MBD3L1: variants seen among roughly 807,000 people sequenced by gnomAD.
MBD3L1 encodes the protein methyl-CpG binding domain protein 3 like 1, also known as methyl-CpG-binding domain protein 3-like 1.
For synonymous variants in MBD3L1, 84 were observed against 85.1 expected (o/e 0.99, Z 0.07); for missense variants, 203 against 230.1 (o/e 0.88, Z 0.76).
intron 1 of MBD3L1, among the ~76,000 whole-genome samples, chr19:8,838,383 C>T (rs1488345712): frequency 6.6e-6 from 1 of 151,256 alleles, no homozygotes; most frequent in African/African-American, 2.4e-5. Flanking sequence ...ATGGAGATGT[C>T]CCATGGAAAC....
Position 8,843,311 on chromosome 19 carries a change from T to TTC in MBD3L1, c.*48_*49insTC. The TTC allele has an allele frequency of 2.2e-6, 3 of 1,385,444 alleles. No individual in the cohort carries two copies. Among genetic ancestry groups the TTC allele is most frequent in the Non-Finnish European group, 1.9e-6 (2 of 1,039,962 alleles). The allele number at this position is 1,385,444 out of a possible 1,614,324, so 85.8% of individuals were successfully genotyped here. A position where few individuals can be genotyped will look rare whatever the true frequency, so the allele number is the denominator to read the frequency against. On this transcript the variant is annotated 3_prime_UTR_variant, in exon 3 of 3. Coordinates refer to ENST00000595891, the MANE Select transcript of MBD3L1 (RefSeq NM_001393532.1). ...GATGAAATAAAGTGTAATCCTTTAT[T>TTC]AACATCTCTTTGCAGTGTCCCCAAT... is the stretch of plus-strand genomic sequence containing the variant.
chr19:8,838,049 C>T (rs573665902), intron 1 of MBD3L1, among the ~76,000 whole-genome samples: 1 of 151,694 alleles, frequency 6.6e-6, no homozygotes, highest in African/African-American at 2.4e-5. Flanking sequence ...GAGATTGAGA[C>T]CATCCTGGAT....
chr19:8,839,512 T>C (rs1180852012), intron 1 of MBD3L1, among the ~76,000 whole-genome samples: 1 of 152,118 alleles, frequency 6.6e-6, no homozygotes, highest in Admixed American at 6.6e-5. Context: ...ATTTAGATTT[T>C]CTAGGGTTCA....
intron 2 of MBD3L1, 123 bp from the exon 3 acceptor site, chr19:8,842,535 C>A (rs1487746979): frequency 1.5e-5 from 10 of 657,212 alleles, no homozygotes; most frequent in Admixed American, 3.0e-5. Flanking sequence ...TCCCAGGAAG[C>A]AGGTCAGACC....
At chr19:8,833,018 C>T (rs1278173285) in intron 1 of MBD3L1, 1 of 147,468 alleles carries the variant, frequency 6.8e-6, no homozygotes, top group African/African-American at 2.6e-5. Context: ...GAGACCAGTT[C>T]TGGGGGCGGG....
At chr19:8,836,231 GAAT>G (rs1258908987) in intron 1 of MBD3L1, among the ~76,000 whole-genome samples, 4 of 152,070 alleles carry the variant, frequency 2.6e-5, no homozygotes, top group African/African-American at 9.7e-5. Flanking sequence ...CATAATAAGA[GAAT>G]AAAAGTGGAA....
At chr19:8,841,965 G>A (rs2044516861) in intron 2 of MBD3L1, among the ~76,000 whole-genome samples, 2 of 152,330 alleles carry the variant, frequency 1.3e-5, no homozygotes, top group South Asian at 4.1e-4. Context: ...TGACTTACAA[G>A]CTGCAGGAAC....
At chr19:8,839,920 G>A (rs1466334993) in intron 1 of MBD3L1, among the ~76,000 whole-genome samples, 1 of 151,966 alleles carries the variant, frequency 6.6e-6, no homozygotes, top group African/African-American at 2.4e-5. Flanking sequence ...AGATATGGGG[G>A]CATCTGTAAT....
At chr19:8,840,653 T>A (rs966328799) in intron 1 of MBD3L1, among the ~76,000 whole-genome samples, 2 of 152,196 alleles carry the variant, frequency 1.3e-5, no homozygotes, top group Non-Finnish European at 2.9e-5. Context: ...CATTCAATGC[T>A]TATCAGGGAT....
At chr19:8,840,193 A>C (rs566260252) in intron 1 of MBD3L1, among the ~76,000 whole-genome samples, 1 of 152,204 alleles carries the variant, frequency 6.6e-6, no homozygotes, top group East Asian at 1.9e-4. Flanking sequence ...CAAAAAAAAA[A>C]AAAAAACAAA....
chr19:8,843,104 C>A lies in MBD3L1; in HGVS notation c.426C>A (p.Leu142=), dbSNP rs2044529525. 1 of 1,613,520 alleles carries A rather than the reference C, an allele frequency of 6.2e-7. No homozygotes were observed. Among genetic ancestry groups the A allele is most frequent in the Non-Finnish European group, 8.5e-7 (1 of 1,179,830 alleles). Residue 142 remains leucine, a synonymous_variant, in exon 3 of 3, where the codon CTC becomes CTA. Coordinates refer to ENST00000595891, the MANE Select transcript of MBD3L1 (RefSeq NM_001393532.1). The stretch of plus-strand genomic sequence containing the variant: ...CAGAGGGAGTGGGTATCTCGCAGCT[C>A]CTCTGCAAACAATTTCTGGTTACTG... ...IPAEGVGISQ[L]LCKQFLVTEE...
intron 1 of MBD3L1, among the ~76,000 whole-genome samples, chr19:8,839,253 C>T (rs1286429417): frequency 7.1e-6 from 1 of 141,500 alleles, no homozygotes; most frequent in African/African-American, 2.7e-5. Context: ...GGCGCCATCT[C>T]GGCTCACTGC....
chr19:8,833,248 A>T (rs2044406122), intron 1 of MBD3L1: 1 of 152,222 alleles, frequency 6.6e-6, no homozygotes. Context: ...ATAGGATCAG[A>T]TTATGTATGC....
At chr19:8,836,723 C>G (rs147416200) in intron 1 of MBD3L1, among the ~76,000 whole-genome samples, 2 of 152,156 alleles carry the variant, frequency 1.3e-5, no homozygotes, top group Non-Finnish European at 2.9e-5. Context: ...AACTCCTGAG[C>G]GCAAGCAATC....
At chr19:8,839,921 C>A (rs781706220) in intron 1 of MBD3L1, among the ~76,000 whole-genome samples, 10 of 152,020 alleles carry the variant, frequency 6.6e-5, no homozygotes, top group Non-Finnish European at 1.0e-4. Flanking sequence ...GATATGGGGG[C>A]ATCTGTAATC....
intron 2 of MBD3L1, 46 bp from the exon 3 acceptor site, chr19:8,842,612 G>A: frequency 2.2e-6 from 3 of 1,365,298 alleles, no homozygotes; most frequent in Non-Finnish European, 3.1e-6. Context: ...TGAGAAGGCA[G>A]GCTTCATTGA....
At chr19:8,837,458 G>A (rs1452840526) in intron 1 of MBD3L1, among the ~76,000 whole-genome samples, 3 of 152,164 alleles carry the variant, frequency 2.0e-5, no homozygotes, top group Non-Finnish European at 2.9e-5. Context: ...GAATGAAGTC[G>A]GCAGTGTGTA....
chr19:8,841,188 A>C (rs1367131239), intron 2 of MBD3L1, among the ~76,000 whole-genome samples, 189 bp downstream of exon 2: 3 of 151,086 alleles, frequency 2.0e-5, no homozygotes, highest in Non-Finnish European at 4.4e-5. Context: ...CACCACACCC[A>C]GCTAATTCTT....
rs2044505741 is a variant in MBD3L1 at position 8,840,902 on chromosome 19, C to G, written c.-106-13C>G. On this transcript the variant is annotated splice_polypyrimidine_tract_variant and intron_variant, in intron 1 of 2. Transcript: ENST00000595891. ...CACTAAGACGTCATGTCACGTGATT[C>G]TTTTTTCAGCAGTGATCATATGACG... 6.6e-6 allele frequency: 1 copy of G among 151,904 alleles called. No individual in the cohort carries two copies. Among genetic ancestry groups the G allele is most frequent in the African/African-American group, 2.4e-5 (1 of 41,356 alleles). The allele number at this position is 151,904 out of a possible 1,614,324, so 9.4% of individuals were successfully genotyped here.
Sources: gnomAD v4.1 joint callset for allele counts (sites outside exome capture counted in the v4.1 genomes callset) on GRCh38, gnomAD v4.1.1 for gene constraint, MANE v1.5 for transcripts, NCBI Gene and HGNC (gene_info 2026-07-23, HGNC 2026-07-21) for gene names.